HCLS1: variants seen among roughly 807,000 people sequenced by gnomAD.
HCLS1 encodes hematopoietic cell-specific Lyn substrate 1, also known as hematopoietic lineage cell-specific protein.
Under a neutral mutation model 68.6 loss-of-function variants are expected in HCLS1, and 44 were observed. The ratio of observed to expected loss-of-function variants is 0.64; its 90% CI spans 0.50 to 0.82. The LOEUF (loss-of-function observed/expected upper bound fraction) is 0.82. Ranked by LOEUF, HCLS1 falls within the 40% of genes least tolerant of loss-of-function variation. HCLS1 has a pLI of 0.00. For synonymous variants in HCLS1, 217 were observed against 225.8 expected (o/e 0.96, Z 0.35); for missense variants, 602 against 612.1 (o/e 0.98, Z 0.17).
At chr3:121,646,965 ATTAT>A (rs1167097652) in intron 4 of HCLS1, among the ~76,000 whole-genome samples, 1 of 145,626 alleles carries the variant, frequency 6.9e-6, no homozygotes, top group African/African-American at 2.5e-5. Flanking sequence ...TTTTTAATGT[ATTAT>A]TTATTTATTT....
In HCLS1 at chr3:121,632,467, C is replaced by G. The variant is rs771607958; in HGVS notation, c.1105G>C (p.Glu369Gln). The change falls in exon 12 of 14, where the codon GAG (glutamate) becomes CAG (glutamine). Residue 369 changes from glutamate (E) to glutamine (Q), a missense_variant. Coordinates refer to ENST00000314583, the MANE Select transcript of HCLS1 (RefSeq NM_005335.6). ...TCATTCTCAGGCTCGGGCTCAGGCT[C>G]GGGCTCAGGCTCAGGCTCTGCTTCG... The part of the protein sequence containing the change: ...VYEAEPEPEP[E>Q]PEPEPENDYE... 2 of 1,613,686 alleles carry G rather than the reference C, an allele frequency of 1.2e-6. No individual in the cohort carries two copies. The highest frequency in any genetic ancestry group is 2.7e-5 in the African/African-American group (2 of 74,834).
Position 121,641,366 on chromosome 3 carries a change from C to A in HCLS1, c.454+1561G>T, listed in dbSNP as rs547429443. ...AGACATTTTTCAAAGACTGAAAGTT[C>A]TTTCATAGACTCATTGAAAGAATTA... is the stretch of plus-strand genomic sequence containing the variant. On this transcript the variant is annotated intron_variant, in intron 6 of 13. Coordinates refer to ENST00000314583, the MANE Select transcript of HCLS1 (RefSeq NM_005335.6). 3.9e-5 allele frequency among the ~76,000 whole-genome samples: 6 copies of A among 152,254 alleles called. No homozygotes were observed. In the East Asian group the frequency reaches 1.2e-3, roughly 29 times the overall value.
At chr3:121,642,468 C>CA (rs1336001150) in intron 6 of HCLS1, among the ~76,000 whole-genome samples, 2 of 151,652 alleles carry the variant, frequency 1.3e-5, no homozygotes, top group African/African-American at 2.4e-5. Flanking sequence ...GACTCCCTCT[C>CA]AAAAAAATAA....
At position 121,658,314 on chromosome 3, in the gene HCLS1, C is replaced by G. The variant is rs764369232; in HGVS notation, c.34G>C (p.Val12Leu). 3.1e-6 allele frequency: 5 copies of G among 1,614,004 alleles called. No individual in the cohort carries two copies. The East Asian group carries it at 8.9e-5, about 29-fold the overall frequency. The change falls in exon 2 of 14, where the codon GTT (valine) becomes CTT (leucine). Residue 12 changes from valine to leucine, a missense_variant. Val to Leu is a conservative substitution (Grantham distance 32, BLOSUM62 1). Coordinates refer to ENST00000314583, the MANE Select transcript of HCLS1 (RefSeq NM_005335.6). ...WKSVVGHDVS[V>L]SVETQGDDWD... ...TCATCACCCTGGGTCTCCACGGAAA[C>G]AGACACATCATGGCCCACTACAGAC...
chr3:121,650,875 C>T (rs553018853), intron 3 of HCLS1, among the ~76,000 whole-genome samples: 6 of 152,256 alleles, frequency 3.9e-5, no homozygotes, highest in East Asian at 1.9e-4. Context: ...TGGTGGCTCA[C>T]GCCTGTAATC....
intron 3 of HCLS1, among the ~76,000 whole-genome samples, chr3:121,647,859 C>T (rs1937647400): frequency 6.6e-6 from 1 of 152,122 alleles, no homozygotes; most frequent in South Asian, 2.1e-4. Context: ...TGGACCTACA[C>T]ATTCTAGTTT....
intron 5 of HCLS1, 30 bp from the exon 6 acceptor site, chr3:121,643,011 G>T: frequency 6.3e-7 from 1 of 1,594,648 alleles, no homozygotes; most frequent in South Asian, 1.1e-5. Flanking sequence ...GAATTGGTTA[G>T]AGTCAGAGCT....
At chr3:121,653,225 T>C (rs928866797) in intron 3 of HCLS1, among the ~76,000 whole-genome samples, 20 of 152,352 alleles carry the variant, frequency 1.3e-4, no homozygotes, top group African/African-American at 3.6e-4. Context: ...ACCTGTATTT[T>C]GACTGAGACC....
intron 4 of HCLS1, 83 bp from the exon 5 acceptor site, chr3:121,645,011 C>T (rs2107469371): frequency 2.8e-6 from 3 of 1,055,580 alleles, no homozygotes; most frequent in East Asian, 4.9e-5. Context: ...GGGATGTAGG[C>T]ATGTAAGAAA....
chr3:121,632,683 T>A (rs936704422), intron 11 of HCLS1, 120 bp from the exon 12 acceptor site: 4 of 775,578 alleles, frequency 5.2e-6, no homozygotes, highest in Admixed American at 2.7e-5. Context: ...CTTGCCTCCA[T>A]CTAACAGCCT....
At chr3:121,642,664 T>C (rs1012617048) in intron 6 of HCLS1, among the ~76,000 whole-genome samples, 1 of 152,072 alleles carries the variant, frequency 6.6e-6, no homozygotes. Flanking sequence ...TAGTCACAGC[T>C]ACTCAGAACG....
In HCLS1 at chr3:121,657,015, G is replaced by C. The variant is rs2107480825; in HGVS notation, c.158+264C>G. On this transcript the variant is annotated intron_variant, in intron 3 of 13. Coordinates refer to ENST00000314583, the MANE Select transcript of HCLS1 (RefSeq NM_005335.6). ...AGGAAGGGAGGCAGTTAATCCAATAGACCCACTTGGGGAAATAGCAGAGTT... is the reference window on the plus strand; with the variant it reads ...AGGAAGGGAGGCAGTTAATCCAATACACCCACTTGGGGAAATAGCAGAGTT... 8.5e-6 allele frequency: 3 copies of C among 354,310 alleles called. 1 individual carries two copies. The South Asian group carries it at 2.3e-4, about 28-fold the overall frequency. 21.9% of individuals were successfully genotyped at this position (354,310 alleles called of 1,614,324 possible). A position where few individuals can be genotyped will look rare whatever the true frequency, so the allele number is the denominator to read the frequency against.
At chr3:121,634,533 G>A in intron 9 of HCLS1, 115 bp from the exon 10 acceptor site, 1 of 944,482 alleles carries the variant, frequency 1.1e-6, no homozygotes, top group Non-Finnish European at 1.6e-6. Context: ...GGATTTGTGG[G>A]ACAGGATGGT....
At chr3:121,659,514 T>G (rs929467777) in intron 1 of HCLS1, among the ~76,000 whole-genome samples, 4 of 152,178 alleles carry the variant, frequency 2.6e-5, no homozygotes, top group Non-Finnish European at 4.4e-5. Flanking sequence ...TTCTCCAGTT[T>G]TCTATTTCCA....
intron 6 of HCLS1, 143 bp from the exon 7 acceptor site, chr3:121,637,399 G>C (rs998642567): frequency 1.6e-6 from 1 of 609,936 alleles, no homozygotes; most frequent in Non-Finnish European, 3.0e-6. Flanking sequence ...GGGAATTAAA[G>C]AGAAGCCATG....
At position 121,637,186 on chromosome 3, in the gene HCLS1, A is replaced by G. The variant is rs1030112873; in HGVS notation, c.525T>C (p.Tyr175=). 2.3e-5 allele frequency: 37 copies of G among 1,613,620 alleles called. No individual in the cohort carries two copies. The highest frequency in any genetic ancestry group is 2.7e-5 in the Non-Finnish European group (32 of 1,179,818). Residue 175 remains tyrosine (Y), a synonymous_variant, in exon 7 of 14, where the codon TAT becomes TAC. Coordinates refer to ENST00000314583, the MANE Select transcript of HCLS1 (RefSeq NM_005335.6). ...GTTTCTCCGTCTCTCCCTTGTAGTC[A>G]TATCCCAGAGCTGCTTTGTCCCATT... The part of the protein sequence containing the change: ...KDKWDKAALG[Y]DYKGETEKHE...
intron 3 of HCLS1, 25 bp from the exon 4 acceptor site, chr3:121,647,473 C>T (rs1408610548): frequency 6.2e-7 from 1 of 1,613,416 alleles, no homozygotes; most frequent in Non-Finnish European, 8.5e-7. Flanking sequence ...ATGACCAAGG[C>T]TCATCTATCC....
At chr3:121,632,676 G>T in intron 11 of HCLS1, 113 bp from the exon 12 acceptor site, 1 of 870,312 alleles carries the variant, frequency 1.1e-6, no homozygotes, top group Non-Finnish European at 1.8e-6. Context: ...CTCTACCCTT[G>T]CCTCCATCTA....
intron 4 of HCLS1, among the ~76,000 whole-genome samples, chr3:121,646,144 A>G (rs1174955873): frequency 2.3e-5 from 1 of 44,130 alleles, no homozygotes; most frequent in African/African-American, 1.0e-4. Flanking sequence ...GATACTATAT[A>G]TAAGTATATA....
Sources: gnomAD v4.1 joint callset for allele counts (sites outside exome capture counted in the v4.1 genomes callset) on GRCh38, gnomAD v4.1.1 for gene constraint, MANE v1.5 for transcripts, NCBI Gene and HGNC (gene_info 2026-07-23, HGNC 2026-07-21) for gene names.